The following NUDT12 variants were observed in gnomAD, a reference collection of about 807,000 sequenced individuals.
NUDT12 encodes the protein nudix hydrolase 12, also known as NAD-capped RNA hydrolase NUDT12.
In NUDT12, 42 loss-of-function variants were observed where a neutral mutation model predicts 45.7. The ratio of observed to expected loss-of-function variants is 0.92; its 90% CI spans 0.72 to 1.19. The LOEUF (loss-of-function observed/expected upper bound fraction) is 1.19, where lower values mean the gene tolerates loss of function less well. Ranked by LOEUF, NUDT12 falls within the 50% of genes most tolerant of loss-of-function variation. The pLI is 0.00. For synonymous variants in NUDT12, 206 were observed against 179.7 expected (o/e 1.15, Z -1.17); for missense variants, 590 against 533.1 (o/e 1.11, Z -1.05).
At chr5:103,551,262 AGGTGCACCT>A (rs1246759435) in intron 6 of NUDT12, among the ~76,000 whole-genome samples, 1 of 151,848 alleles carries the variant, frequency 6.6e-6, no homozygotes, top group Non-Finnish European at 1.5e-5. Context: ...CTGGTACCAT[AGGTGCACCT>A]GGCTAACTTT....
At chr5:103,555,258 T>C (rs541291756) in intron 4 of NUDT12, among the ~76,000 whole-genome samples, 1 of 152,222 alleles carries the variant, frequency 6.6e-6, no homozygotes, top group East Asian at 1.9e-4. Context: ...ACAAAATGTT[T>C]TTAAAAGCTA....
At chr5:103,559,714 G>A (rs1261974096) in intron 2 of NUDT12, 3 of 451,742 alleles carry the variant, frequency 6.6e-6, no homozygotes, top group African/African-American at 6.1e-5. Context: ...AAATAAAACA[G>A]TATTAAGCTT....
chr5:103,555,869 T>A (rs1326618250), intron 4 of NUDT12, 62 bp downstream of exon 4: 26 of 1,309,374 alleles, frequency 2.0e-5, no homozygotes, highest in Admixed American at 2.7e-5. Context: ...ACAAATTTTC[T>A]CTTTCCAAAA....
chr5:103,560,383 C>G (rs1280582454), intron 1 of NUDT12, 129 bp from the exon 2 acceptor site: 7 of 628,684 alleles, frequency 1.1e-5, no homozygotes, highest in Non-Finnish European at 2.0e-5. Flanking sequence ...ACAGGCAATC[C>G]TTAAACAGCA....
intron 3 of NUDT12, among the ~76,000 whole-genome samples, chr5:103,557,134 C>A (rs1035423960): frequency 6.6e-6 from 1 of 151,350 alleles, no homozygotes; most frequent in Non-Finnish European, 1.5e-5. Context: ...CTATTATTAT[C>A]ATTTTCTTTA....
intron 3 of NUDT12, among the ~76,000 whole-genome samples, chr5:103,558,221 C>T (rs972079002): frequency 1.3e-5 from 2 of 152,028 alleles, no homozygotes; most frequent in African/African-American, 4.8e-5. Context: ...ATATTACCAC[C>T]ATCTCTCACT....
rs1475469039 is a variant in NUDT12, at chr5:103,550,468, T to A, written c.*393A>T. ...AAAAATTCATTAAAATTACTTTGAT[T>A]CATTTCTCAAATCAGGAACTTTCTT... On this transcript the variant is annotated 3_prime_UTR_variant, in exon 7 of 7. Coordinates refer to ENST00000230792, the MANE Select transcript of NUDT12 (RefSeq NM_031438.4). 6.4e-6 allele frequency: 1 copy of A among 156,256 alleles called. No individual in the cohort carries two copies. The highest frequency in any genetic ancestry group is 2.4e-5 in the African/African-American group (1 of 41,504). The allele number at this position is 156,256 out of a possible 1,614,324, so 9.7% of individuals were successfully genotyped here. A position where few individuals can be genotyped will look rare whatever the true frequency, so the allele number is the denominator to read the frequency against.
In NUDT12 at chr5:103,550,744, C is replaced by G. The variant is rs555090391; in HGVS notation, c.*117G>C. 2 of 647,104 alleles carry G rather than the reference C, an allele frequency of 3.1e-6. No individual in the cohort carries two copies. Among genetic ancestry groups the G allele is most frequent in the African/African-American group, 1.8e-5 (1 of 55,044 alleles). 40.1% of individuals were successfully genotyped at this position (647,104 alleles called of 1,614,324 possible). A position where few individuals can be genotyped will look rare whatever the true frequency, so the allele number is the denominator to read the frequency against. On this transcript the variant is annotated 3_prime_UTR_variant, in exon 7 of 7. Coordinates refer to ENST00000230792, the MANE Select transcript of NUDT12 (RefSeq NM_031438.4). ...AACACTTTGAAAATATTTCGAAAAC[C>G]CAACATCGTATTTTGTGTTGTGACA...
chr5:103,559,248 CT>C lies in NUDT12; in HGVS notation c.426del (p.Glu143LysfsTer14). 3 of 1,583,778 alleles carry C rather than the reference CT, an allele frequency of 1.9e-6. No individual in the cohort carries two copies. Among genetic ancestry groups the C allele is most frequent in the Non-Finnish European group, 2.6e-6 (3 of 1,167,056 alleles). On this transcript the variant is annotated frameshift_variant, in exon 3 of 7. Transcript: ENST00000230792. LOFTEE classifies it high-confidence loss of function. ...KRNNSDWLLA[K>X]ESHPATVFIL... ...ATAAAAACTGTGGCTGGATGGCTTT[CT>C]TTAGCTAGCAGCCAGTCAGAATTAT...
rs1051296156 is a variant in NUDT12, at chr5:103,550,356, G to A, written c.*505C>T. ...AAAGAGCAAGTGGGACTACAATGGG[G>A]AGATGAACAAAAACCATATATTGAC... On this transcript the variant is annotated 3_prime_UTR_variant, in exon 7 of 7. Transcript: ENST00000230792. 6.5e-6 allele frequency: 1 copy of A among 153,990 alleles called. No homozygotes were observed. Among genetic ancestry groups the A allele is most frequent in the Non-Finnish European group, 1.4e-5 (1 of 69,230 alleles). 9.5% of individuals were successfully genotyped at this position (153,990 alleles called of 1,614,324 possible).
At position 103,549,164 on chromosome 5, in the gene NUDT12, A is replaced by C. The variant is rs1302812773; in HGVS notation, c.*1697T>G. 6.6e-6 allele frequency: 1 copy of C among 152,122 alleles called. No individual in the cohort carries two copies. Among genetic ancestry groups the C allele is most frequent in the Non-Finnish European group, 1.5e-5 (1 of 67,952 alleles). The allele number at this position is 152,122 out of a possible 1,614,324, so 9.4% of individuals were successfully genotyped here. On this transcript the variant is annotated 3_prime_UTR_variant, in exon 7 of 7. Coordinates refer to ENST00000230792, the MANE Select transcript of NUDT12 (RefSeq NM_031438.4). Reference sequence around the variant, plus strand: ...CAATGTAATCTTAGAATCTGCAAGTATTAAAAGTACATTTAGAGTAAAACT... The same window carrying C: ...CAATGTAATCTTAGAATCTGCAAGTCTTAAAAGTACATTTAGAGTAAAACT...
At chr5:103,555,678 T>C (rs1166961313) in intron 4 of NUDT12, among the ~76,000 whole-genome samples, 1 of 151,940 alleles carries the variant, frequency 6.6e-6, no homozygotes, top group Admixed American at 6.6e-5. Flanking sequence ...TAGAGCCAAA[T>C]TGGTTGGCTT....
At chr5:103,560,866 G>A (rs1199188196) in intron 1 of NUDT12, among the ~76,000 whole-genome samples, 1 of 151,940 alleles carries the variant, frequency 6.6e-6, no homozygotes, top group Non-Finnish European at 1.5e-5. Flanking sequence ...TATATTTTTG[G>A]TTCTATTATT....
rs10900867 is a variant in NUDT12 at position 103,550,314 on chromosome 5, A to G, written c.*547T>C. ...ACACTATAACACCTCCACTGCTAGA[A>G]CAATGGAACCCCCAGGAAAGAGCAA... On this transcript the variant is annotated 3_prime_UTR_variant, in exon 7 of 7. Transcript: ENST00000230792. 0.25 allele frequency: 38,486 copies of G among 152,444 alleles called. 4,991 individuals are homozygous for G. The highest frequency in any genetic ancestry group is 0.34 in the Middle Eastern group (101 of 294). 9.4% of individuals were successfully genotyped at this position (152,444 alleles called of 1,614,324 possible). A position where few individuals can be genotyped will look rare whatever the true frequency, so the allele number is the denominator to read the frequency against.
Position 103,561,462 on chromosome 5 carries a change from T to C in NUDT12, c.-6-1208A>G, listed in dbSNP as rs921767314. On this transcript the variant is annotated intron_variant, in intron 1 of 6. Coordinates refer to ENST00000230792, the MANE Select transcript of NUDT12 (RefSeq NM_031438.4). ...AACTGCTCACAGTCATGGAAACACT[T>C]GGATGAAACCTAACAGTGGAAATCT... Among the ~76,000 whole-genome samples, 9 of 152,342 alleles carry C rather than the reference T, an allele frequency of 5.9e-5. No homozygotes were observed. The South Asian group carries it at 1.2e-3, about 21-fold the overall frequency.
At chr5:103,557,333 A>C (rs370833477) in intron 3 of NUDT12, among the ~76,000 whole-genome samples, 338 of 147,436 alleles carry the variant, frequency 2.3e-3, no homozygotes, top group Non-Finnish European at 3.7e-3. Flanking sequence ...TTCTTAAAAA[A>C]GTTTGATGAT....
chr5:103,556,874 T>A (rs1202978031), intron 3 of NUDT12, among the ~76,000 whole-genome samples: 1 of 151,970 alleles, frequency 6.6e-6, no homozygotes, highest in Non-Finnish European at 1.5e-5. Flanking sequence ...AACAAAATAA[T>A]AACAAAAATT....
chr5:103,552,673 AATG>A, intron 5 of NUDT12, among the ~76,000 whole-genome samples: 1 of 152,350 alleles, frequency 6.6e-6, no homozygotes, highest in East Asian at 1.9e-4. Context: ...TTTTAAAAAT[AATG>A]ATACCATCTA....
At chr5:103,561,366 GATTA>G (rs1292661531) in intron 1 of NUDT12, among the ~76,000 whole-genome samples, 2 of 152,098 alleles carry the variant, frequency 1.3e-5, no homozygotes, top group African/African-American at 4.8e-5. Flanking sequence ...AAGGAGTAAA[GATTA>G]ATTGTCTCAT....
Sources: gnomAD v4.1 joint callset for allele counts (sites outside exome capture counted in the v4.1 genomes callset) on GRCh38, gnomAD v4.1.1 for gene constraint, MANE v1.5 for transcripts, NCBI Gene and HGNC (gene_info 2026-07-23, HGNC 2026-07-21) for gene names.